HSD17B2: variants seen among roughly 807,000 people sequenced by gnomAD.
HSD17B2 encodes the protein 17-beta-hydroxysteroid dehydrogenase type 2.
Under a neutral mutation model 26.9 loss-of-function variants are expected in HSD17B2, and 32 were observed. That is an observed-to-expected ratio of 1.19 (90% CI 0.90 to 1.60). The LOEUF (loss-of-function observed/expected upper bound fraction) is 1.60, where lower values mean the gene tolerates loss of function less well. Ranked by LOEUF, HSD17B2 falls within the 40% of genes most tolerant of loss-of-function variation. The pLI is 0.00. For missense variants in HSD17B2, 613 were observed against 468.6 expected (o/e 1.31, Z -2.85); for synonymous variants, 246 against 186.7 (o/e 1.32, Z -2.59).
At chr16:82,073,451 C>T (rs924513274) in intron 3 of HSD17B2, among the ~76,000 whole-genome samples, 1 of 152,028 alleles carries the variant, frequency 6.6e-6, no homozygotes, top group African/African-American at 2.4e-5. Flanking sequence ...ATCTCGATCT[C>T]CCGACCTCGT....
intron 3 of HSD17B2, among the ~76,000 whole-genome samples, chr16:82,087,576 A>G (rs1274636886): frequency 6.6e-6 from 1 of 152,228 alleles, no homozygotes; most frequent in Non-Finnish European, 1.5e-5. Flanking sequence ...TGAGTCTTAA[A>G]TGTTTGATTC....
chr16:82,068,237 C>A lies in HSD17B2; in HGVS notation c.333C>A (p.Ala111=), dbSNP rs201745159. Residue 111 remains alanine (A), a synonymous_variant, in exon 2 of 5, where the codon GCC becomes GCA. Coordinates refer to ENST00000199936, the MANE Select transcript of HSD17B2 (RefSeq NM_002153.3). ...ATGAGCTGGGCTTCACGGTATTTGC[C>A]GGAGTTTTGAATGAAAATGGCCCAG... The part of the protein sequence containing the change: ...YLDELGFTVF[A]GVLNENGPGA... 4 of 1,613,964 alleles carry A rather than the reference C, an allele frequency of 2.5e-6. No individual in the cohort carries two copies. Among genetic ancestry groups the A allele is most frequent in the Non-Finnish European group, 3.4e-6 (4 of 1,180,026 alleles).
chr16:82,072,951 G>T (rs1270323362), intron 3 of HSD17B2, among the ~76,000 whole-genome samples: 1 of 152,132 alleles, frequency 6.6e-6, no homozygotes, highest in Non-Finnish European at 1.5e-5. Context: ...TGTAGTCCCA[G>T]CTACTCAGGA....
At position 82,068,198 on chromosome 16, in the gene HSD17B2, G is replaced by C. The variant is rs751936653; in HGVS notation, c.294G>C (p.Leu98Phe). The change falls in exon 2 of 5, where the codon TTG becomes TTC. Residue 98 changes from leucine to phenylalanine, a missense_variant. Leu to Phe is a conservative substitution (Grantham distance 22). Transcript: ENST00000199936. ...TGGDCGLGHA[L>F]CKYLDELGFT... ...GTGATTGCGGGCTTGGCCATGCTTT[G>C]TGCAAGTATCTGGATGAGCTGGGCT... 2 of 1,614,022 alleles carry C rather than the reference G, an allele frequency of 1.2e-6. No individual in the cohort carries two copies. The highest frequency in any genetic ancestry group is 1.7e-6 in the Non-Finnish European group (2 of 1,180,040).
At chr16:82,093,319 C>T (rs2142368458) in intron 4 of HSD17B2, 1 of 152,288 alleles carries the variant, frequency 6.6e-6, no homozygotes, top group South Asian at 2.1e-4. Flanking sequence ...CACTTAATAG[C>T]ATTTGACTTT....
At chr16:82,085,714 C>G (rs1904507865) in intron 3 of HSD17B2, among the ~76,000 whole-genome samples, 1 of 152,104 alleles carries the variant, frequency 6.6e-6, no homozygotes, top group African/African-American at 2.4e-5. Context: ...AAGGCAGAAT[C>G]TGACTGGGTT....
chr16:82,080,851 G>A (rs527343253), intron 3 of HSD17B2, among the ~76,000 whole-genome samples: 1 of 152,312 alleles, frequency 6.6e-6, no homozygotes, highest in Middle Eastern at 3.4e-3. Context: ...AAAAGGCAGA[G>A]TCAATCAAAC....
chr16:82,068,639 G>T (rs1466740311), intron 2 of HSD17B2, among the ~76,000 whole-genome samples: 1 of 152,150 alleles, frequency 6.6e-6, no homozygotes, highest in African/African-American at 2.4e-5. Context: ...ACTCTCCCAT[G>T]AATAATTCCT....
chr16:82,079,040 T>A (rs773675517), intron 3 of HSD17B2, among the ~76,000 whole-genome samples: 7 of 152,364 alleles, frequency 4.6e-5, no homozygotes, highest in South Asian at 2.1e-4. Flanking sequence ...ATGGATTGTG[T>A]GCAACACAAA....
At chr16:82,051,335 C>T (rs1396530794) in intron 1 of HSD17B2, among the ~76,000 whole-genome samples, 3 of 152,180 alleles carry the variant, frequency 2.0e-5, no homozygotes. Flanking sequence ...CAGGCAAGTG[C>T]CTTCCCGCCA....
At chr16:82,040,914 G>A (rs2143913099) in intron 1 of HSD17B2, among the ~76,000 whole-genome samples, 1 of 152,342 alleles carries the variant, frequency 6.6e-6, no homozygotes, top group East Asian at 1.9e-4. Flanking sequence ...GATGGTGGAT[G>A]TTGAAAGGAT....
At chr16:82,048,543 T>C (rs1914007300) in intron 1 of HSD17B2, among the ~76,000 whole-genome samples, 1 of 151,854 alleles carries the variant, frequency 6.6e-6, no homozygotes, top group African/African-American at 2.4e-5. Flanking sequence ...AAAGAAAAAG[T>C]TTGGTGGAAG....
At chr16:82,095,070 G>A (rs1032814574) in intron 4 of HSD17B2, 1 of 152,222 alleles carries the variant, frequency 6.6e-6, no homozygotes, top group African/African-American at 2.4e-5. Flanking sequence ...AAGGCTGATG[G>A]CTTTGTCACT....
At chr16:82,072,712 A>G (rs942892919) in intron 3 of HSD17B2, among the ~76,000 whole-genome samples, 1 of 152,230 alleles carries the variant, frequency 6.6e-6, no homozygotes, top group Non-Finnish European at 1.5e-5. Flanking sequence ...ATGCAAGTGT[A>G]TGAACGAGTG....
chr16:82,079,389 C>T (rs78851864), intron 3 of HSD17B2, among the ~76,000 whole-genome samples: 1,599 of 152,252 alleles, frequency 0.011, 29 homozygotes, highest in African/African-American at 0.037. Context: ...AGATGACTAC[C>T]TTTTTGCTGT....
chr16:82,035,395 AGCACTT>A lies in HSD17B2; in HGVS notation c.-28_-23del. On this transcript the variant is annotated 5_prime_UTR_variant, in exon 1 of 5. An upstream open reading frame in the 5' UTR loses its in-frame stop. Transcript: ENST00000199936. ...TTGCCCGCTAGACTCACTGGCCCTG[AGCACTT>A]GAAGGTGCAGCAAGTCACTGAGAAT... 1 of 1,595,738 alleles carries A rather than the reference AGCACTT, an allele frequency of 6.3e-7. No individual in the cohort carries two copies. The highest frequency in any genetic ancestry group is 2.2e-4 in the Middle Eastern group (1 of 4,610).
intron 3 of HSD17B2, chr16:82,090,191 C>A (rs1191449246): frequency 2.0e-6 from 2 of 977,710 alleles, no homozygotes; most frequent in Non-Finnish European, 1.2e-6. Context: ...AATAGTGGAC[C>A]CTCCTCCCCA....
At chr16:82,059,411 T>C (rs1342151512) in intron 1 of HSD17B2, among the ~76,000 whole-genome samples, 1 of 152,222 alleles carries the variant, frequency 6.6e-6, no homozygotes, top group Admixed American at 6.5e-5. Flanking sequence ...CATTGGTGGC[T>C]CTCAATCCTG....
At chr16:82,051,302 A>G (rs1373562480) in intron 1 of HSD17B2, among the ~76,000 whole-genome samples, 1 of 152,276 alleles carries the variant, frequency 6.6e-6, no homozygotes, top group East Asian at 1.9e-4. Flanking sequence ...GAATGAATGC[A>G]TGAGCAAACA....
Sources: gnomAD v4.1 joint callset for allele counts (sites outside exome capture counted in the v4.1 genomes callset) on GRCh38, gnomAD v4.1.1 for gene constraint, MANE v1.5 for transcripts, NCBI Gene and HGNC (gene_info 2026-07-23, HGNC 2026-07-21) for gene names.